MRTFA: variants seen among roughly 807,000 people sequenced by gnomAD.
MRTFA encodes myocardin related transcription factor A.
In MRTFA, 20 loss-of-function variants were observed where a neutral mutation model predicts 83.5. That is an observed-to-expected ratio of 0.24 (90% confidence interval 0.17 to 0.35). MRTFA has a LOEUF of 0.35. MRTFA is among the 10% of genes least tolerant of loss of function. The pLI is 1.00. For missense variants in MRTFA, 1,200 were observed against 1,224.7 expected, an observed-to-expected ratio of 0.98 and a Z score of 0.30; for synonymous variants, 659 against 541.2, an observed-to-expected ratio of 1.22 and a Z score of -3.02.
chr22:40,529,441 C>G (rs1187781837), intron 3 of MRTFA, among the ~76,000 whole-genome samples: 1 of 152,064 alleles, frequency 6.6e-6, no homozygotes, highest in South Asian at 2.1e-4. Flanking sequence ...CTCAGCTTCC[C>G]AAGTAGCTGG....
At chr22:40,475,419 C>T (rs1489754712) in intron 3 of MRTFA, among the ~76,000 whole-genome samples, 3 of 152,024 alleles carry the variant, frequency 2.0e-5, no homozygotes, top group African/African-American at 7.2e-5. Context: ...TGCTTGTAAT[C>T]CCAGCTACCA....
chr22:40,613,391 C>T (rs1569352714), intron 1 of MRTFA, among the ~76,000 whole-genome samples: 2 of 152,140 alleles, frequency 1.3e-5, no homozygotes, highest in Non-Finnish European at 2.9e-5. Context: ...AAGTATATAT[C>T]TAACCTTGTA....
In MRTFA at chr22:40,412,006, C is replaced by T. The variant is rs529731739; in HGVS notation, c.2579-99G>A. The T allele has an allele frequency of 2.8e-5, 30 of 1,066,688 alleles. No individual in the cohort carries two copies. In the African/African-American group the frequency reaches 3.7e-4, roughly 13 times the overall value. The allele number at this position is 1,066,688 out of a possible 1,614,324, so 66.1% of individuals were successfully genotyped here. The stretch of plus-strand genomic sequence containing the variant: ...GGACCCCCCAACGTCACACCATTTA[C>T]AAAAATAAAACGGATCAAAGACTTA... On this transcript the variant is annotated intron_variant, in intron 14 of 14. Transcript: ENST00000355630.
At chr22:40,542,338 A>G (rs750667195) in intron 3 of MRTFA, among the ~76,000 whole-genome samples, 10 of 152,150 alleles carry the variant, frequency 6.6e-5, no homozygotes, top group Non-Finnish European at 1.5e-4. Flanking sequence ...TCACTATTAG[A>G]TCTGTTATTC....
chr22:40,412,340 T>C (rs1184129471), intron 14 of MRTFA: 1 of 152,976 alleles, frequency 6.5e-6, no homozygotes, highest in South Asian at 2.1e-4. Flanking sequence ...TTGGTGAGGA[T>C]ACAGAGAAAC....
chr22:40,459,639 C>A (rs2053660755), intron 4 of MRTFA, among the ~76,000 whole-genome samples: 1 of 151,574 alleles, frequency 6.6e-6, no homozygotes, highest in Non-Finnish European at 1.5e-5. Context: ...AGAATTCCAA[C>A]AGGTTTTCAA....
intron 1 of MRTFA, among the ~76,000 whole-genome samples, chr22:40,616,285 C>T (rs889113979): frequency 6.6e-6 from 1 of 152,122 alleles, no homozygotes; most frequent in Non-Finnish European, 1.5e-5. Context: ...CCATGATATA[C>T]CCAATACCAT....
chr22:40,585,742 T>C (rs1454665972), intron 2 of MRTFA, among the ~76,000 whole-genome samples: 1 of 152,138 alleles, frequency 6.6e-6, no homozygotes, highest in African/African-American at 2.4e-5. Flanking sequence ...TGGAGAAGTC[T>C]AGGAGAGAGA....
At chr22:40,484,390 A>G (rs2054141205) in intron 3 of MRTFA, among the ~76,000 whole-genome samples, 1 of 152,198 alleles carries the variant, frequency 6.6e-6, no homozygotes, top group South Asian at 2.1e-4. Flanking sequence ...AATTCTCAAG[A>G]TCAAACACAT....
At chr22:40,538,470 C>T (rs2055228170) in intron 3 of MRTFA, among the ~76,000 whole-genome samples, 1 of 150,184 alleles carries the variant, frequency 6.7e-6, no homozygotes, top group Non-Finnish European at 1.5e-5. Context: ...AACCAGAGAC[C>T]TTTGTTCACT....
intron 3 of MRTFA, among the ~76,000 whole-genome samples, chr22:40,541,168 T>C (rs1209258209): frequency 1.3e-5 from 2 of 152,184 alleles, no homozygotes; most frequent in African/African-American, 4.8e-5. Flanking sequence ...ACAGAGAACC[T>C]TGGCTCACCT....
At chr22:40,528,196 G>A (rs1313274993) in intron 3 of MRTFA, among the ~76,000 whole-genome samples, 1 of 152,200 alleles carries the variant, frequency 6.6e-6, no homozygotes, top group East Asian at 1.9e-4. Flanking sequence ...TTCCCAGCGG[G>A]TGGAAGGTGA....
rs141961637 is a variant in MRTFA, at chr22:40,453,099, G to C, written c.307+10122C>G. Among the ~76,000 whole-genome samples, 118 of 152,288 alleles carry C rather than the reference G, an allele frequency of 7.7e-4. 1 individual carries two copies. The East Asian group carries it at 0.021, about 27-fold the overall frequency. ...TGATGTGCCTTCTCCTGTGATAAAA[G>C]AGAAGATTCCTGAAGCCACATACCT... On this transcript the variant is annotated intron_variant, in intron 4 of 14. Coordinates refer to ENST00000355630, the MANE Select transcript of MRTFA (RefSeq NM_020831.6).
chr22:40,456,878 T>C (rs577285304), intron 4 of MRTFA, among the ~76,000 whole-genome samples: 1 of 152,350 alleles, frequency 6.6e-6, no homozygotes, highest in African/African-American at 2.4e-5. Context: ...TACTGGTTAC[T>C]AAATCCTGAA....
chr22:40,476,646 G>C (rs941979125), intron 3 of MRTFA, among the ~76,000 whole-genome samples: 1 of 151,920 alleles, frequency 6.6e-6, no homozygotes, highest in Non-Finnish European at 1.5e-5. Flanking sequence ...TACAGACAGG[G>C]TTTCGCCTGT....
chr22:40,515,607 C>T (rs566861526), intron 3 of MRTFA, among the ~76,000 whole-genome samples: 24 of 152,176 alleles, frequency 1.6e-4, no homozygotes, highest in Non-Finnish European at 4.4e-5. Flanking sequence ...GCACGAGAAT[C>T]GTTTGAACTC....
chr22:40,586,362 G>A (rs1280376759), intron 2 of MRTFA, among the ~76,000 whole-genome samples: 1 of 151,728 alleles, frequency 6.6e-6, no homozygotes, highest in Non-Finnish European at 1.5e-5. Context: ...CATCAACCAT[G>A]AAGATACAAA....
intron 2 of MRTFA, among the ~76,000 whole-genome samples, chr22:40,589,032 T>C (rs1264510514): frequency 6.6e-6 from 1 of 152,130 alleles, no homozygotes; most frequent in African/African-American, 2.4e-5. Context: ...ATATTTACCA[T>C]TTTTTTCATA....
intron 3 of MRTFA, among the ~76,000 whole-genome samples, chr22:40,517,593 A>G (rs1211364776): frequency 3.3e-5 from 5 of 152,192 alleles, no homozygotes; most frequent in African/African-American, 1.2e-4. Context: ...AGCTTGGTAC[A>G]CGGTCTGCCA....
Sources: allele counts gnomAD v4.1 joint callset (sites outside exome capture counted in the v4.1 genomes callset), GRCh38; gene constraint gnomAD v4.1.1; transcripts MANE v1.5; gene names NCBI Gene and HGNC (gene_info 2026-07-23, HGNC 2026-07-21).